Variants in SGCD observed in about 807,000 individuals in gnomAD.
SGCD encodes sarcoglycan delta.
In SGCD, 18 loss-of-function variants were observed where a neutral mutation model predicts 36.6. The ratio of observed to expected loss-of-function variants is 0.49; its 90% CI spans 0.34 to 0.73. SGCD has a LOEUF of 0.73. SGCD is among the 30% of genes least tolerant of loss of function. The pLI is 0.01. For synonymous variants in SGCD, 133 were observed against 130.6 expected, an observed-to-expected ratio of 1.02 and a Z score of -0.12; for missense variants, 387 against 346.7, an observed-to-expected ratio of 1.12 and a Z score of -0.92.
rs1757572398 is a variant in SGCD, at chr5:155,952,802, A to G, written c.-282+82378A>G. 2.0e-5 allele frequency among the ~76,000 whole-genome samples: 3 copies of G among 152,204 alleles called. 1 individual carries two copies. Among genetic ancestry groups the G allele is most frequent in the African/African-American group, 7.2e-5 (3 of 41,462 alleles). ...TAGTCATTTGCATTTTTTGCCTTTG[A>G]AAAGGCAAATTTGCTTTGAAAAGTG... On this transcript the variant is annotated intron_variant, in intron 1 of 9. Coordinates refer to the SGCD transcript ENST00000517913.
At chr5:156,215,108 G>A (rs1764540275) in intron 3 of SGCD, among the ~76,000 whole-genome samples, 2 of 151,982 alleles carry the variant, frequency 1.3e-5, no homozygotes, top group Non-Finnish European at 1.5e-5. Flanking sequence ...TTTGGATTTT[G>A]GATCTTAGAA....
intron 3 of SGCD, among the ~76,000 whole-genome samples, chr5:156,403,537 A>G (rs1267505150): frequency 6.6e-6 from 1 of 152,166 alleles, no homozygotes; most frequent in Non-Finnish European, 1.5e-5. Context: ...GGAAACTGTA[A>G]TGATAGGTGG....
At chr5:156,429,391 T>A (rs1332182665) in intron 3 of SGCD, among the ~76,000 whole-genome samples, 1 of 151,850 alleles carries the variant, frequency 6.6e-6, no homozygotes, top group African/African-American at 2.4e-5. Flanking sequence ...TACCTTATAT[T>A]TATGTGAGTC....
At chr5:155,780,685 A>C in the SGCD span, among the ~76,000 whole-genome samples, 1 of 152,200 alleles carries the variant, frequency 6.6e-6, no homozygotes, top group South Asian at 2.1e-4. Context: ...AGGTGAAAGC[A>C]TGATTTCCAG....
intron 7 of SGCD, among the ~76,000 whole-genome samples, chr5:156,660,485 T>C (rs1183063414): frequency 6.6e-6 from 1 of 152,260 alleles, no homozygotes; most frequent in Non-Finnish European, 1.5e-5. Context: ...GCTGATTTTC[T>C]CCTGGTGAAA....
chr5:156,640,198 C>G (rs1762977943), intron 6 of SGCD, among the ~76,000 whole-genome samples: 1 of 151,946 alleles, frequency 6.6e-6, no homozygotes, highest in Non-Finnish European at 1.5e-5. Context: ...AATCACACCC[C>G]TCCCATGAAA....
intron 1 of SGCD, among the ~76,000 whole-genome samples, chr5:156,032,991 C>T (rs570711127): frequency 1.3e-5 from 2 of 151,842 alleles, no homozygotes; most frequent in African/African-American, 4.8e-5. Context: ...GCAGGAAGAT[C>T]GTTTGAGCCT....
chr5:156,201,723 T>G (rs1764156037), intron 3 of SGCD, among the ~76,000 whole-genome samples: 1 of 79,506 alleles, frequency 1.3e-5, no homozygotes, highest in South Asian at 3.3e-4. Flanking sequence ...ATTCCCTAGT[T>G]TTTTTTTTTT....
intron 1 of SGCD, among the ~76,000 whole-genome samples, chr5:155,905,754 T>G (rs1216673134): frequency 1.3e-5 from 2 of 152,122 alleles, no homozygotes; most frequent in East Asian, 3.9e-4. Context: ...TCTCACGAGA[T>G]CTGATGGGTT....
chr5:155,985,302 T>C (rs527820193), intron 1 of SGCD, among the ~76,000 whole-genome samples: 1 of 152,290 alleles, frequency 6.6e-6, no homozygotes, highest in South Asian at 2.1e-4. Context: ...TAGGCCTCAA[T>C]TCTATGTGCT....
At chr5:156,021,007 C>T (rs1759084391) in intron 1 of SGCD, among the ~76,000 whole-genome samples, 1 of 152,146 alleles carries the variant, frequency 6.6e-6, no homozygotes, top group Admixed American at 6.5e-5. Flanking sequence ...GCTTTTCTTT[C>T]TTCATCCACA....
At chr5:155,801,358 C>T in the SGCD span, among the ~76,000 whole-genome samples, 1 of 152,226 alleles carries the variant, frequency 6.6e-6, no homozygotes, top group Non-Finnish European at 1.5e-5. Context: ...ATTCATTTTA[C>T]TCCCTCTTGG....
chr5:155,788,010 G>A, the SGCD span, among the ~76,000 whole-genome samples: 2 of 151,914 alleles, frequency 1.3e-5, no homozygotes, highest in Non-Finnish European at 2.9e-5. Context: ...AAAATAATTC[G>A]AAGTAAATTT....
intron 3 of SGCD, among the ~76,000 whole-genome samples, chr5:156,143,159 A>C (rs1419762741): frequency 6.6e-6 from 1 of 152,242 alleles, no homozygotes; most frequent in African/African-American, 2.4e-5. Context: ...AGCCAGGTAC[A>C]ACTCAGGCCA....
At chr5:156,287,038 A>G (rs1312657457) in intron 3 of SGCD, among the ~76,000 whole-genome samples, 1 of 152,168 alleles carries the variant, frequency 6.6e-6, no homozygotes, top group Non-Finnish European at 1.5e-5. Context: ...TTTACATTCT[A>G]AAAGGGAAAT....
At chr5:156,450,640 T>C (rs1372027338) in intron 3 of SGCD, among the ~76,000 whole-genome samples, 3 of 152,084 alleles carry the variant, frequency 2.0e-5, no homozygotes, top group African/African-American at 7.2e-5. Context: ...AGTATTCTAA[T>C]TGTTTTCTAT....
chr5:156,171,026 T>A (rs1763332780), intron 3 of SGCD, among the ~76,000 whole-genome samples: 1 of 152,226 alleles, frequency 6.6e-6, no homozygotes, highest in Non-Finnish European at 1.5e-5. Flanking sequence ...GTAGCCTGAC[T>A]TAGGATCTGA....
At chr5:156,471,241 A>T (rs1024722514) in intron 3 of SGCD, among the ~76,000 whole-genome samples, 1 of 152,220 alleles carries the variant, frequency 6.6e-6, no homozygotes, top group African/African-American at 2.4e-5. Context: ...CATCACATTC[A>T]TCTATAGTGT....
chr5:156,150,568 G>C (rs1762809353), intron 3 of SGCD, among the ~76,000 whole-genome samples: 1 of 151,628 alleles, frequency 6.6e-6, no homozygotes, highest in Non-Finnish European at 1.5e-5. Flanking sequence ...ATGTAGTATA[G>C]AGCTTTATAA....
Sources: gnomAD v4.1 joint callset for allele counts (sites outside exome capture counted in the v4.1 genomes callset) on GRCh38, gnomAD v4.1.1 for gene constraint, MANE v1.5 for transcripts, NCBI Gene and HGNC (gene_info 2026-07-23, HGNC 2026-07-21) for gene names.